Variants in STK32B observed in about 807,000 individuals in gnomAD.
The protein encoded by STK32B is serine/threonine-protein kinase 32B.
STK32B carries 43 observed loss-of-function variants against 52.6 expected under a neutral mutation model. That is an observed-to-expected ratio of 0.82 (90% CI 0.64 to 1.05). STK32B has a LOEUF of 1.05. Among genes scored for constraint, STK32B ranks in the 50% least tolerant of loss-of-function variants. STK32B has a pLI of 0.00. For synonymous variants in STK32B, 238 were observed against 204.3 expected (o/e 1.17, Z -1.41); for missense variants, 621 against 534.6 (o/e 1.16, Z -1.59).
At chr4:5,408,648 T>A (rs1326284045) in intron 5 of STK32B, among the ~76,000 whole-genome samples, 1 of 152,120 alleles carries the variant, frequency 6.6e-6, no homozygotes, top group East Asian at 1.9e-4. Context: ...CTGCTAACAC[T>A]AGGTCCGATT....
At chr4:5,215,321 A>C (rs894973346) in intron 3 of STK32B, among the ~76,000 whole-genome samples, 16 of 152,148 alleles carry the variant, frequency 1.1e-4, no homozygotes, top group African/African-American at 3.4e-4. Context: ...TGGGAGTTTA[A>C]AGATCTTTAG....
At chr4:5,332,151 A>G (rs1458776629) in intron 4 of STK32B, among the ~76,000 whole-genome samples, 3 of 152,216 alleles carry the variant, frequency 2.0e-5, no homozygotes, top group Non-Finnish European at 4.4e-5. Context: ...AAGATGACAG[A>G]TTAAGCATAT....
At chr4:5,492,166 G>A (rs1719789917) in intron 11 of STK32B, among the ~76,000 whole-genome samples, 1 of 152,088 alleles carries the variant, frequency 6.6e-6, no homozygotes. Flanking sequence ...AAATTACCTT[G>A]GGCAGTATGG....
At chr4:5,342,587 T>C (rs1031325840) in intron 4 of STK32B, among the ~76,000 whole-genome samples, 1 of 152,098 alleles carries the variant, frequency 6.6e-6, no homozygotes, top group Non-Finnish European at 1.5e-5. Context: ...GAGATGGTGC[T>C]AAACCATTCA....
intron 1 of STK32B, among the ~76,000 whole-genome samples, chr4:5,055,884 T>A (rs1433367226): frequency 6.6e-6 from 1 of 152,134 alleles, no homozygotes; most frequent in Non-Finnish European, 1.5e-5. Context: ...TTTGTGGAAA[T>A]TATCACCATC....
At chr4:5,277,261 G>A (rs916991307) in intron 3 of STK32B, among the ~76,000 whole-genome samples, 1 of 152,154 alleles carries the variant, frequency 6.6e-6, no homozygotes, top group Non-Finnish European at 1.5e-5. Context: ...CTCCTTCATC[G>A]GAATCATTAT....
upstream of STK32B, among the ~76,000 whole-genome samples, chr4:5,051,232 G>T (rs1413791143): frequency 1.3e-5 from 2 of 152,100 alleles, no homozygotes; most frequent in Admixed American, 1.3e-4. Flanking sequence ...TCTAAAATAT[G>T]AACGATGCTT....
chr4:5,293,410 T>C (rs952396514), intron 3 of STK32B, among the ~76,000 whole-genome samples: 3 of 152,254 alleles, frequency 2.0e-5, no homozygotes, highest in Non-Finnish European at 4.4e-5. Context: ...CCACCAACAG[T>C]GTAAAAGCGT....
chr4:5,192,358 T>A lies in STK32B; in HGVS notation c.260+23908T>A, dbSNP rs961463726. 2.0e-5 allele frequency among the ~76,000 whole-genome samples: 3 copies of A among 152,244 alleles called. No homozygotes were observed. The South Asian group carries it at 6.2e-4, about 32-fold the overall frequency. On this transcript the variant is annotated intron_variant, in intron 3 of 11. Coordinates refer to ENST00000282908, the MANE Select transcript of STK32B (RefSeq NM_018401.3). ...CCCTGGAAGATCAAGCTCAAGACTT[T>A]TCCACCCCAAAGTAATAGTGGTGCT... is the stretch of plus-strand genomic sequence containing the variant.
intron 3 of STK32B, among the ~76,000 whole-genome samples, chr4:5,264,166 G>T (rs1001794709): frequency 3.9e-5 from 6 of 152,246 alleles, no homozygotes; most frequent in Non-Finnish European, 7.4e-5. Context: ...CATTTCTCTT[G>T]AGTAAATACT....
At chr4:5,321,881 C>T (rs542889334) in intron 3 of STK32B, among the ~76,000 whole-genome samples, 2 of 151,998 alleles carry the variant, frequency 1.3e-5, no homozygotes, top group South Asian at 4.1e-4. Flanking sequence ...CTACGGGAGG[C>T]CATTGGAAGC....
chr4:5,257,295 GTGAA>G (rs768980238), intron 3 of STK32B, among the ~76,000 whole-genome samples: 15 of 151,980 alleles, frequency 9.9e-5, no homozygotes, highest in East Asian at 1.9e-4. Flanking sequence ...AAATGAGTGA[GTGAA>G]TGAATGAATG....
Position 5,371,022 on chromosome 4 carries a change from G to GTATATATA in STK32B, c.435-27184_435-27183insATATATAT, listed in dbSNP as rs1203864158. Reference sequence around the variant, plus strand: ...TATATATATATATATGTATATATATGTGTATATATATGTATATATATGTGT... The same window carrying GTATATATA: ...TATATATATATATATGTATATATATGTATATATATGTATATATATGTATATATATGTGT... On this transcript the variant is annotated intron_variant, in intron 4 of 11. Coordinates refer to ENST00000282908, the MANE Select transcript of STK32B (RefSeq NM_018401.3). Among the ~76,000 whole-genome samples the GTATATATA allele has an allele frequency of 9.1e-3, 1,319 of 144,354 alleles. 11 individuals are homozygous for GTATATATA. The highest frequency in any genetic ancestry group is 0.032 in the Middle Eastern group (9 of 282). 94.7% of individuals were successfully genotyped at this position (144,354 alleles called of 152,430 possible). A position where few individuals can be genotyped will look rare whatever the true frequency, so the allele number is the denominator to read the frequency against.
chr4:5,107,562 A>C (rs574316872), intron 1 of STK32B, among the ~76,000 whole-genome samples: 2 of 152,320 alleles, frequency 1.3e-5, no homozygotes, highest in East Asian at 3.9e-4. Flanking sequence ...TAATTTTACA[A>C]GCCATCAATG....
At chr4:5,468,129 C>T (rs1345615386) in intron 11 of STK32B, 59 bp downstream of exon 11, 6 of 1,575,032 alleles carry the variant, frequency 3.8e-6, no homozygotes, top group Non-Finnish European at 4.4e-6. Context: ...CCAAGGTCCT[C>T]CTGGCAGAAT....
At chr4:5,336,765 T>C (rs921893730) in intron 4 of STK32B, among the ~76,000 whole-genome samples, 5 of 151,898 alleles carry the variant, frequency 3.3e-5, no homozygotes, top group Non-Finnish European at 7.4e-5. Flanking sequence ...AGAGAAAACA[T>C]AGAGGAAGAA....
chr4:5,142,280 T>C (rs1196791897), intron 2 of STK32B, among the ~76,000 whole-genome samples: 1 of 152,244 alleles, frequency 6.6e-6, no homozygotes, highest in Non-Finnish European at 1.5e-5. Context: ...GAAAAATCTC[T>C]TCTTCCCTGG....
chr4:5,322,175 T>C (rs1308602177), intron 3 of STK32B, among the ~76,000 whole-genome samples: 4 of 151,844 alleles, frequency 2.6e-5, no homozygotes, highest in Admixed American at 2.6e-4. Flanking sequence ...CTATGAAAAA[T>C]AATAATAAGC....
intron 2 of STK32B, among the ~76,000 whole-genome samples, chr4:5,156,131 T>C (rs951232829): frequency 1.3e-5 from 2 of 151,636 alleles, no homozygotes; most frequent in Admixed American, 1.3e-4. Flanking sequence ...TATACACATA[T>C]ACATATACAC....
Sources: allele counts gnomAD v4.1 joint callset (sites outside exome capture counted in the v4.1 genomes callset), GRCh38; gene constraint gnomAD v4.1.1; transcripts MANE v1.5; gene names NCBI Gene and HGNC (gene_info 2026-07-23, HGNC 2026-07-21).